Variants in STMN3 observed in about 807,000 individuals in gnomAD.
STMN3 encodes the protein stathmin-3.
In STMN3, 24 loss-of-function variants were observed where a neutral mutation model predicts 23.2. That is an observed-to-expected ratio of 1.03 (90% CI 0.75 to 1.45). The LOEUF (loss-of-function observed/expected upper bound fraction) is 1.45, where lower values mean the gene tolerates loss of function less well. Ranked by LOEUF, STMN3 falls within the 40% of genes most tolerant of loss-of-function variation. STMN3 has a pLI of 0.00. For missense variants in STMN3, 235 were observed against 237.6 expected (o/e 0.99, Z 0.07); for synonymous variants, 117 against 103.4 (o/e 1.13, Z -0.80).
At position 63,652,545 on chromosome 20, in the gene STMN3, C is replaced by G. The variant is rs535166780; in HGVS notation, c.19+782G>C. 3 of 982,762 alleles carry G rather than the reference C, an allele frequency of 3.1e-6. No homozygotes were observed. The highest frequency in any genetic ancestry group is 1.1e-4 in the East Asian group (1 of 8,720). The allele number at this position is 982,762 out of a possible 1,614,324, so 60.9% of individuals were successfully genotyped here. Reference sequence around the variant, plus strand: ...CCCTCCGCCTGAGCTCCGCGCGGGACGGGCCGGGAGGCCGGGGTGGGCGCT... The same window carrying G: ...CCCTCCGCCTGAGCTCCGCGCGGGAGGGGCCGGGAGGCCGGGGTGGGCGCT... On this transcript the variant is annotated intron_variant, in intron 1 of 4. Transcript: ENST00000370053. The surrounding 1 kb of genome is among the most constrained non-coding windows in gnomAD (Gnocchi z 5.3).
chr20:63,648,723 G>A (rs543627569), intron 1 of STMN3, among the ~76,000 whole-genome samples: 1 of 152,244 alleles, frequency 6.6e-6, no homozygotes, highest in South Asian at 2.1e-4. Context: ...GCAACACAGC[G>A]AGACTCTGTC....
chr20:63,650,714 GC>G (rs1461068863), intron 1 of STMN3, among the ~76,000 whole-genome samples: 2 of 2,812 alleles, frequency 7.1e-4, no homozygotes, highest in African/African-American at 4.4e-3. Context: ...CACCCCTCCC[GC>G]CCGCCCGGGT....
Position 63,653,316 on chromosome 20 carries a change from C to G in STMN3, c.19+11G>C. 1 of 1,546,670 alleles carries G rather than the reference C, an allele frequency of 6.5e-7. No homozygotes were observed. The highest frequency in any genetic ancestry group is 8.7e-7 in the Non-Finnish European group (1 of 1,145,612). ...CCGCCGCCCCACAAAGCCCGTGGCC[C>G]CGGAGCCTACCGGAAATGGTGCTGG... On this transcript the variant is annotated intron_variant, in intron 1 of 4. Transcript: ENST00000370053.
At chr20:63,645,200 G>C (rs1490659757) in intron 1 of STMN3, among the ~76,000 whole-genome samples, 1 of 152,148 alleles carries the variant, frequency 6.6e-6, no homozygotes, top group Non-Finnish European at 1.5e-5. Flanking sequence ...AAGCAGGCAA[G>C]ATTTACTCAT....
intron 1 of STMN3, among the ~76,000 whole-genome samples, chr20:63,646,752 G>A (rs1004861881): frequency 6.6e-6 from 1 of 151,652 alleles, no homozygotes; most frequent in Non-Finnish European, 1.5e-5. Flanking sequence ...TGGGCTTGAC[G>A]GATCCTGCCA....
chr20:63,645,634 G>C (rs924551367), intron 1 of STMN3, among the ~76,000 whole-genome samples: 1 of 152,196 alleles, frequency 6.6e-6, no homozygotes, highest in Non-Finnish European at 1.5e-5. Context: ...CAGACACGCT[G>C]GCCCGGTTTC....
intron 3 of STMN3, 82 bp downstream of exon 3, chr20:63,643,674 G>C: frequency 3.4e-6 from 5 of 1,451,320 alleles, no homozygotes; most frequent in Admixed American, 2.7e-5. Flanking sequence ...CTGTCCGGGA[G>C]CACCCTGCTT....
rs2089752277 is a variant in STMN3 at position 63,640,674 on chromosome 20, G to A, written c.*664C>T. The A allele has an allele frequency of 1.2e-5, 2 of 165,602 alleles. No homozygotes were observed. The highest frequency in any genetic ancestry group is 2.7e-4 in the South Asian group (2 of 7,280). The allele number at this position is 165,602 out of a possible 1,614,324, so 10.3% of individuals were successfully genotyped here. A position where few individuals can be genotyped will look rare whatever the true frequency, so the allele number is the denominator to read the frequency against. ...AGCCTGCTCATGGGTCCCTGGCAGA[G>A]AATGCCCACTCCCCAGCAGACTCAG... On this transcript the variant is annotated 3_prime_UTR_variant, in exon 5 of 5. Transcript: ENST00000370053.
chr20:63,650,698 C>G (rs1422311553), intron 1 of STMN3, among the ~76,000 whole-genome samples: 3 of 97,060 alleles, frequency 3.1e-5, no homozygotes, highest in African/African-American at 4.4e-5. Context: ...GGTCACACCT[C>G]ACGCCCACCC....
chr20:63,643,727 TG>T (rs2089786221), intron 3 of STMN3, 28 bp downstream of exon 3: 9 of 1,509,454 alleles, frequency 6.0e-6, no homozygotes, highest in Non-Finnish European at 6.1e-6. Flanking sequence ...TTGAAACTCC[TG>T]GGGGGTGGGG....
intron 4 of STMN3, 37 bp from the exon 5 acceptor site, chr20:63,641,434 G>A (rs1395769966): frequency 1.3e-6 from 2 of 1,530,410 alleles, no homozygotes; most frequent in South Asian, 1.2e-5. Flanking sequence ...GAGGGCGGGG[G>A]TGGCTTGGGG....
At position 63,644,245 on chromosome 20, in the gene STMN3, C is replaced by T; in HGVS notation, c.84G>A (p.Gln28=). ...ACTGGTAGACGGTATTGGGGTGCGG[C>T]TGTGTGTAGAAGCAGGAGCAGATGA... ...LSLICSCFYT[Q]PHPNTVYQYG... Residue 28 remains glutamine, a synonymous_variant, in exon 2 of 5, where the codon CAG becomes CAA. Coordinates refer to ENST00000370053, the MANE Select transcript of STMN3 (RefSeq NM_015894.4). The T allele has an allele frequency of 6.2e-7, 1 of 1,613,852 alleles. No homozygotes were observed. Among genetic ancestry groups the T allele is most frequent in the Non-Finnish European group, 8.5e-7 (1 of 1,179,942 alleles).
rs1372171849 is a variant in STMN3 at position 63,643,829 on chromosome 20, G to A, written c.218C>T (p.Ser73Phe). ...DLSPESPMLS[S>F]PPKKKDTSLE... ...GGAGGTGTCCTTCTTCTTGGGTGGGGAGGAGAGCATAGGGCTCTCTGGGGA... is the reference window on the plus strand; with the variant it reads ...GGAGGTGTCCTTCTTCTTGGGTGGGAAGGAGAGCATAGGGCTCTCTGGGGA... Residue 73 changes from serine (S) to phenylalanine (F), a missense_variant, in exon 3 of 5, where the codon TCC becomes TTC. Physicochemically the swap from Ser to Phe is radical, Grantham distance 155 (BLOSUM62 -2). Coordinates refer to ENST00000370053, the MANE Select transcript of STMN3 (RefSeq NM_015894.4). 2 of 1,564,972 alleles carry A rather than the reference G, an allele frequency of 1.3e-6. No individual in the cohort carries two copies. The highest frequency in any genetic ancestry group is 1.4e-5 in the African/African-American group (1 of 71,332).
chr20:63,643,608 A>C (rs919111800), intron 3 of STMN3, 148 bp downstream of exon 3: 1 of 1,351,578 alleles, frequency 7.4e-7, no homozygotes, highest in African/African-American at 1.5e-5. Flanking sequence ...TATCTCTCAG[A>C]AAGAGGCCCA....
chr20:63,653,186 G>T, intron 1 of STMN3, 141 bp downstream of exon 1: 3 of 1,089,530 alleles, frequency 2.8e-6, no homozygotes, highest in South Asian at 3.5e-5. Context: ...CCAGCCTCGG[G>T]CGGGTCGGGC....
chr20:63,647,934 A>ATG (rs1220891233), intron 1 of STMN3, among the ~76,000 whole-genome samples: 5 of 59,156 alleles, frequency 8.5e-5, no homozygotes, highest in African/African-American at 4.1e-4. Context: ...ATATACGTAT[A>ATG]TATGTGTGTG....
At position 63,643,860 on chromosome 20, in the gene STMN3, C is replaced by T. The variant is rs754714061; in HGVS notation, c.187G>A (p.Asp63Asn). ...AGCATAGGGCTCTCTGGGGACAGGT[C>T]AGAAGGGGACTTGAGGATGACCTCG... ...SFEVILKSPSDLSPESPMLSS... is the reference protein window; with the variant it reads ...SFEVILKSPSNLSPESPMLSS... The change falls in exon 3 of 5, where the codon GAC (aspartate) becomes AAC (asparagine). Residue 63 changes from aspartate to asparagine, a missense_variant. Physicochemically the swap from Asp to Asn is conservative, Grantham distance 23. Transcript: ENST00000370053. 1.9e-6 allele frequency: 3 copies of T among 1,587,762 alleles called. No individual in the cohort carries two copies. The highest frequency in any genetic ancestry group is 1.7e-6 in the Non-Finnish European group (2 of 1,173,312).
Position 63,652,856 on chromosome 20 carries a change from C to T in STMN3, c.19+471G>A. 1 of 935,928 alleles carries T rather than the reference C, an allele frequency of 1.1e-6. No homozygotes were observed. The highest frequency in any genetic ancestry group is 4.9e-5 in the South Asian group (1 of 20,374). The allele number at this position is 935,928 out of a possible 1,614,324, so 58.0% of individuals were successfully genotyped here. A position where few individuals can be genotyped will look rare whatever the true frequency, so the allele number is the denominator to read the frequency against. ...CGCCCCCTCCAGCCCCTGTGCTGCACTGGCGCGGGGAGCGCCGGGTTCCCG... is the reference window on the plus strand; with the variant it reads ...CGCCCCCTCCAGCCCCTGTGCTGCATTGGCGCGGGGAGCGCCGGGTTCCCG... On this transcript the variant is annotated intron_variant, in intron 1 of 4. Transcript: ENST00000370053. The surrounding 1 kb of genome is among the most constrained non-coding windows in gnomAD (Gnocchi z 5.3).
intron 1 of STMN3, among the ~76,000 whole-genome samples, chr20:63,650,412 C>G (rs1179724378): frequency 2.6e-5 from 4 of 152,044 alleles, no homozygotes; most frequent in African/African-American, 9.7e-5. Flanking sequence ...GTAGTGCCCG[C>G]TCCCAGGGTC....
Sources: gnomAD v4.1 joint callset for allele counts (sites outside exome capture counted in the v4.1 genomes callset) on GRCh38, gnomAD v4.1.1 for gene constraint, Gnocchi (gnomAD v3.1) non-coding constraint, MANE v1.5 for transcripts, NCBI Gene and HGNC (gene_info 2026-07-23, HGNC 2026-07-21) for gene names.